Variants in CTNNA3 observed in about 807,000 individuals in gnomAD.
CTNNA3 encodes catenin alpha 3, also known as catenin alpha-3.
CTNNA3 carries 76 observed loss-of-function variants against 95.7 expected under a neutral mutation model. That is an observed-to-expected ratio of 0.79 (90% CI 0.66 to 0.96). CTNNA3 has a LOEUF of 0.96. CTNNA3 is among the 40% of genes least tolerant of loss of function. CTNNA3 has a pLI of 0.00. For missense variants in CTNNA3, 1,191 were observed against 1,089.8 expected, an observed-to-expected ratio of 1.09 and a Z score of -1.31; for synonymous variants, 431 against 374.4, an observed-to-expected ratio of 1.15 and a Z score of -1.74.
At chr10:67,388,727 C>T (rs1198531229) in intron 5 of CTNNA3, among the ~76,000 whole-genome samples, 1 of 152,038 alleles carries the variant, frequency 6.6e-6, no homozygotes, top group Admixed American at 6.5e-5. Context: ...AGAAACCCTA[C>T]AAACCAGAAG....
At chr10:67,727,186 ATATT>A (rs1271116070) in intron 1 of CTNNA3, among the ~76,000 whole-genome samples, 1 of 126,434 alleles carries the variant, frequency 7.9e-6, no homozygotes, top group Non-Finnish European at 1.6e-5. Context: ...TATATTATAT[ATATT>A]ATGTGTATAT....
chr10:67,194,578 C>A (rs998885598), intron 6 of CTNNA3, among the ~76,000 whole-genome samples: 1 of 150,958 alleles, frequency 6.6e-6, no homozygotes, highest in African/African-American at 2.4e-5. Flanking sequence ...GATGGAGGAA[C>A]AGGCAGAGAA....
At chr10:67,633,902 C>G (rs1422525679) in intron 2 of CTNNA3, among the ~76,000 whole-genome samples, 1 of 152,148 alleles carries the variant, frequency 6.6e-6, no homozygotes, top group African/African-American at 2.4e-5. Flanking sequence ...TTGGAAAACA[C>G]AGTTCAGGAT....
In CTNNA3 at chr10:67,539,556, G is replaced by C; in HGVS notation, c.406C>G (p.Leu136Val). The change falls in exon 4 of 18, where the codon CTT (leucine) becomes GTT (valine). Residue 136 changes from leucine (L) to valine (V), a missense_variant. Transcript: ENST00000433211. ...RALLAAVTRL[L>V]ILADMIDVMC... Reference sequence around the variant, plus strand: ...ACATCAATCATGTCCGCAAGGATAAGGAGTCTCGTCACCGCAGCCAGCAAG... The same window carrying C: ...ACATCAATCATGTCCGCAAGGATAACGAGTCTCGTCACCGCAGCCAGCAAG... 1 of 1,613,830 alleles carries C rather than the reference G, an allele frequency of 6.2e-7. No homozygotes were observed.
intron 13 of CTNNA3, among the ~76,000 whole-genome samples, chr10:66,127,248 G>A (rs542251234): frequency 2.1e-5 from 3 of 146,062 alleles, no homozygotes; most frequent in East Asian, 4.0e-4. Flanking sequence ...CTCCAGCCTG[G>A]GCGACAGAGC....
intron 13 of CTNNA3, among the ~76,000 whole-genome samples, chr10:66,145,160 G>A (rs898389796): frequency 2.6e-5 from 4 of 152,058 alleles, no homozygotes; most frequent in African/African-American, 7.2e-5. Context: ...TAGTTACCAG[G>A]AATCAAAAGA....
At chr10:67,006,960 AT>A (rs1415641953) in intron 7 of CTNNA3, among the ~76,000 whole-genome samples, 3 of 151,864 alleles carry the variant, frequency 2.0e-5, no homozygotes, top group Non-Finnish European at 4.4e-5. Flanking sequence ...CGTCCAGCTA[AT>A]TTTTTTGTGT....
Position 67,112,590 on chromosome 10 carries a change from G to A in CTNNA3, c.1047+67727C>T, listed in dbSNP as rs578024477. Reference sequence around the variant, plus strand: ...GAGAAAAAAATTCTTGGTCTTAAGAGTCAAGGCAAGAAGACTTCATTCGTT... The same window carrying A: ...GAGAAAAAAATTCTTGGTCTTAAGAATCAAGGCAAGAAGACTTCATTCGTT... On this transcript the variant is annotated intron_variant, in intron 7 of 17. Coordinates refer to ENST00000433211, the MANE Select transcript of CTNNA3 (RefSeq NM_013266.4). 1.1e-3 allele frequency among the ~76,000 whole-genome samples: 159 copies of A among 151,182 alleles called. 1 individual carries two copies. Among genetic ancestry groups the A allele is most frequent in the African/African-American group, 3.7e-3 (154 of 41,074 alleles).
chr10:67,541,956 A>C (rs1361361032), intron 3 of CTNNA3, among the ~76,000 whole-genome samples: 2 of 152,268 alleles, frequency 1.3e-5, no homozygotes, highest in Admixed American at 6.5e-5. Flanking sequence ...TATATATCAA[A>C]AAATTATGTA....
chr10:66,203,278 A>G (rs1460894695), intron 13 of CTNNA3, among the ~76,000 whole-genome samples: 1 of 152,222 alleles, frequency 6.6e-6, no homozygotes, highest in Non-Finnish European at 1.5e-5. Flanking sequence ...TTAGAGAACA[A>G]TATAAAGACT....
intron 9 of CTNNA3, among the ~76,000 whole-genome samples, chr10:66,734,756 A>G (rs1286527632): frequency 6.6e-6 from 1 of 151,796 alleles, no homozygotes; most frequent in Non-Finnish European, 1.5e-5. Context: ...CCAGCTACTC[A>G]GGAGGCTGAG....
chr10:66,458,067 T>A (rs1156811291), intron 11 of CTNNA3, among the ~76,000 whole-genome samples: 1 of 152,164 alleles, frequency 6.6e-6, no homozygotes. Context: ...TCTAGAGACA[T>A]GCAGGGAAGA....
rs375715216 is a variant in CTNNA3 at position 66,539,850 on chromosome 10, C to T, written c.1375-19077G>A. ...CCCAGACCTACTGAATCAGAGCCTG[C>T]ATTATAGAAGAACCCCAGGTTATTC... On this transcript the variant is annotated intron_variant, in intron 10 of 17. Coordinates refer to ENST00000433211, the MANE Select transcript of CTNNA3 (RefSeq NM_013266.4). 5.9e-5 allele frequency among the ~76,000 whole-genome samples: 9 copies of T among 152,172 alleles called. No individual in the cohort carries two copies. In the East Asian group the frequency reaches 1.5e-3, roughly 26 times the overall value.
At chr10:65,944,674 G>A (rs1056487898) in intron 17 of CTNNA3, among the ~76,000 whole-genome samples, 1 of 152,144 alleles carries the variant, frequency 6.6e-6, no homozygotes, top group African/African-American at 2.4e-5. Context: ...AATGTTTCAG[G>A]TTGTTCCAGG....
chr10:66,271,377 T>C (rs1304737507), intron 13 of CTNNA3, among the ~76,000 whole-genome samples: 1 of 152,208 alleles, frequency 6.6e-6, no homozygotes, highest in African/African-American at 2.4e-5. Context: ...AGAGAAACTT[T>C]ATGTTTGAAG....
Position 67,575,798 on chromosome 10 carries a change from C to G in CTNNA3, c.292+31059G>C, listed in dbSNP as rs901186415. Among the ~76,000 whole-genome samples, 5 of 152,148 alleles carry G rather than the reference C, an allele frequency of 3.3e-5. No individual in the cohort carries two copies. In the East Asian group the frequency reaches 9.7e-4, roughly 29 times the overall value. On this transcript the variant is annotated intron_variant, in intron 3 of 17. Coordinates refer to ENST00000433211, the MANE Select transcript of CTNNA3 (RefSeq NM_013266.4). ...CTTTCCTTCTTCAGAAGGCTCTCAG[C>G]TACTGTTGGCTCCCCTTAACAATCT...
In CTNNA3 at chr10:66,949,385, C is replaced by T. The variant is rs527738903; in HGVS notation, c.1048-173861G>A. ...CAGCCTGACCAACATGGAGAAACCC[C>T]GTCTCTACTAAAAAAATACAAAATT... is the stretch of plus-strand genomic sequence containing the variant. On this transcript the variant is annotated intron_variant, in intron 7 of 17. Transcript: ENST00000433211. 2.9e-3 allele frequency among the ~76,000 whole-genome samples: 444 copies of T among 152,060 alleles called. 1 individual carries two copies. Among genetic ancestry groups the T allele is most frequent in the African/African-American group, 0.01 (423 of 41,472 alleles).
At chr10:66,998,268 CTA>C (rs1270930885) in intron 7 of CTNNA3, among the ~76,000 whole-genome samples, 1 of 152,066 alleles carries the variant, frequency 6.6e-6, no homozygotes, top group Non-Finnish European at 1.5e-5. Flanking sequence ...CCTCCTTACT[CTA>C]TGTTTACTTA....
Position 66,258,665 on chromosome 10 carries a change from C to T in CTNNA3, c.1884+21805G>A, listed in dbSNP as rs555294511. ...TAAGATCTATGGCCCTCTAAGCACC[C>T]CACAGCATATTTTTCAAAAGCTTTA... is the stretch of plus-strand genomic sequence containing the variant. On this transcript the variant is annotated intron_variant, in intron 13 of 17. Transcript: ENST00000433211. 2.0e-5 allele frequency among the ~76,000 whole-genome samples: 3 copies of T among 152,158 alleles called. No homozygotes were observed. In the South Asian group the frequency reaches 6.2e-4, roughly 32 times the overall value.
Sources: gnomAD v4.1 joint callset for allele counts (sites outside exome capture counted in the v4.1 genomes callset) on GRCh38, gnomAD v4.1.1 for gene constraint, MANE v1.5 for transcripts, NCBI Gene and HGNC (gene_info 2026-07-23, HGNC 2026-07-21) for gene names.